Variants in ALG11 observed in about 807,000 individuals in gnomAD.
ALG11 encodes GDP-Man:Man(3)GlcNAc(2)-PP-Dol alpha-1,2-mannosyltransferase.
A neutral mutation model predicts 38.8 loss-of-function variants in ALG11; 26 were observed. The observed-to-expected ratio is 0.67, with a 90% CI of 0.49 to 0.93. The LOEUF is 0.93. ALG11 is among the 40% of genes least tolerant of loss of function. The pLI is 0.00. For synonymous variants in ALG11, 199 were observed against 211.6 expected (o/e 0.94, Z 0.52); for missense variants, 535 against 578.8 (o/e 0.92, Z 0.78).
chr13:52,024,025 G>A lies in ALG11; in HGVS notation c.295G>A (p.Val99Ile). Reference protein sequence around the residue: ...LQKKYPEAVYVVYTGDVNVNG... With the variant: ...LQKKYPEAVYIVYTGDVNVNG... ...TTTTAGGTATCCTGAAGCAGTTTATGTTGTTTATACCGGCGATGTTAATGT... is the reference window on the plus strand; with the variant it reads ...TTTTAGGTATCCTGAAGCAGTTTATATTGTTTATACCGGCGATGTTAATGT... Residue 99 changes from valine to isoleucine, a missense_variant, in exon 3 of 4, where the codon GTT becomes ATT. By Grantham distance (29) the Val-to-Ile change is conservative. Coordinates refer to ENST00000521508, the MANE Select transcript of ALG11 (RefSeq NM_001004127.3). The A allele has an allele frequency of 6.2e-7, 1 of 1,614,046 alleles. No individual in the cohort carries two copies. The highest frequency in any genetic ancestry group is 1.7e-5 in the Admixed American group (1 of 60,000).
At chr13:52,025,042 T>C in intron 3 of ALG11, 105 bp downstream of exon 3, 1 of 1,284,050 alleles carries the variant, frequency 7.8e-7, no homozygotes, top group Non-Finnish European at 1.1e-6. Flanking sequence ...GCCCTAATTC[T>C]CTTGCCCTCA....
At position 52,024,636 on chromosome 13, in the gene ALG11, G is replaced by T; in HGVS notation, c.906G>T (p.Leu302Phe). 6.2e-7 allele frequency: 1 copy of T among 1,613,810 alleles called. No individual in the cohort carries two copies. The highest frequency in any genetic ancestry group is 8.5e-7 in the Non-Finnish European group (1 of 1,179,742). The change falls in exon 3 of 4, where the codon TTG becomes TTT. Residue 302 changes from leucine (L) to phenylalanine (F), a missense_variant. Coordinates refer to ENST00000521508, the MANE Select transcript of ALG11 (RefSeq NM_001004127.3). The part of the protein sequence containing the change: ...LHEKKMTPGH[L>F]LVSVGQFRPE... ...AGAAAAAGATGACCCCAGGACATTT[G>T]CTGGTTTCTGTTGGCCAGTTTAGGC...
rs776787572 is a variant in ALG11, at chr13:52,029,245, C to T, written c.*655C>T. The T allele has an allele frequency of 6.2e-7, 1 of 1,614,170 alleles. No individual in the cohort carries two copies. On this transcript the variant is annotated 3_prime_UTR_variant, in exon 4 of 4. Transcript: ENST00000521508. ...TCCTCTCCAAATGGGACCCTATCAT[C>T]CTGAAGAACCAGCAGGCAGAGCAGC...
chr13:52,017,734 A>G (rs1954146300), intron 1 of ALG11: 1 of 153,550 alleles, frequency 6.5e-6, no homozygotes, highest in Admixed American at 6.5e-5. Context: ...GTACGTCTTT[A>G]TCAGCAGTGT....
chr13:52,020,153 C>T (rs1167161319), intron 2 of ALG11, among the ~76,000 whole-genome samples: 1 of 152,102 alleles, frequency 6.6e-6, no homozygotes, highest in Admixed American at 6.5e-5. Flanking sequence ...CTATTTGACT[C>T]AAATTTTTAT....
intron 1 of ALG11, among the ~76,000 whole-genome samples, chr13:52,015,586 C>G (rs1488680526): frequency 6.6e-6 from 1 of 152,078 alleles, no homozygotes; most frequent in Non-Finnish European, 1.5e-5. Flanking sequence ...GGGGGCCAAT[C>G]TTTCCCATGC....
rs145714167 is a variant in ALG11, at chr13:52,019,063, T to G, written c.195T>G (p.Ile65Met). ...TSKNGKNQMV[I>M]AFFHPYCNAG... is the part of the protein sequence containing the mutation. ...AAAATGGGAAAAATCAAATGGTGAT[T>G]GCATTTTTTCATCCATACTGCAATG... Residue 65 changes from isoleucine to methionine, a missense_variant, in exon 2 of 4, where the codon ATT becomes ATG. Ile to Met is a conservative substitution (Grantham distance 10). Coordinates refer to ENST00000521508, the MANE Select transcript of ALG11 (RefSeq NM_001004127.3). 7 of 1,613,976 alleles carry G rather than the reference T, an allele frequency of 4.3e-6. No homozygotes were observed. In the African/African-American group the frequency reaches 9.3e-5, roughly 22 times the overall value.
chr13:52,023,628 C>G (rs1954206099), intron 2 of ALG11: 1 of 151,236 alleles, frequency 6.6e-6, no homozygotes, highest in East Asian at 1.9e-4. Flanking sequence ...TTCTTTATAA[C>G]TGTAAGAAAA....
In ALG11 at chr13:52,029,863, ACTC is replaced by A. The variant is rs758604982; in HGVS notation, c.*1276_*1278del. On this transcript the variant is annotated 3_prime_UTR_variant, in exon 4 of 4. Transcript: ENST00000521508. The stretch of plus-strand genomic sequence containing the variant: ...AGGAGGGAGGCACAGAAGTGGAAGA[ACTC>A]CTTGTCCCTCATGTAGCGAATGAAG... The A allele has an allele frequency of 8.1e-6, 13 of 1,614,120 alleles. No individual in the cohort carries two copies. Among genetic ancestry groups the A allele is most frequent in the Admixed American group, 5.0e-5 (3 of 60,006 alleles).
At chr13:52,012,485 T>C (rs886618786) in intron 1 of ALG11, 23 bp downstream of exon 1, 5 of 1,614,058 alleles carry the variant, frequency 3.1e-6, no homozygotes, top group Non-Finnish European at 4.2e-6. Flanking sequence ...TCGTGTGGGC[T>C]CACAGACGTT....
At chr13:52,019,956 G>A (rs1034013225) in intron 2 of ALG11, among the ~76,000 whole-genome samples, 4 of 152,098 alleles carry the variant, frequency 2.6e-5, no homozygotes, top group Admixed American at 6.6e-5. Context: ...AGAAAGAAAT[G>A]GACAGTGGAT....
rs755614049 is a variant in ALG11, at chr13:52,012,476, C to G, written c.44+14C>G. The stretch of plus-strand genomic sequence containing the variant: ...CAAGTTGTTGAGGTGAGCAGCCGGT[C>G]GTGTGGGCTCACAGACGTTTTCTCT... On this transcript the variant is annotated intron_variant, in intron 1 of 3. Transcript: ENST00000521508. 1 of 1,614,096 alleles carries G rather than the reference C, an allele frequency of 6.2e-7. No individual in the cohort carries two copies. Among genetic ancestry groups the G allele is most frequent in the Admixed American group, 1.7e-5 (1 of 60,028 alleles).
intron 1 of ALG11, among the ~76,000 whole-genome samples, chr13:52,012,942 C>T (rs1954092880): frequency 1.3e-5 from 2 of 152,186 alleles, no homozygotes; most frequent in South Asian, 4.2e-4. Context: ...TATGTTGAAT[C>T]CTCTGCTTTT....
Position 52,030,037 on chromosome 13 carries a change from A to G in ALG11, c.*1447A>G, listed in dbSNP as rs1203001081. 1 of 1,614,248 alleles carries G rather than the reference A, an allele frequency of 6.2e-7. No homozygotes were observed. The highest frequency in any genetic ancestry group is 1.1e-5 in the South Asian group (1 of 91,088). ...CTGCAAGTGAGGCAGAAGAAAGACC[A>G]GTGGCAGAGGAAGAAATTTTGTTGA... On this transcript the variant is annotated 3_prime_UTR_variant, in exon 4 of 4. Coordinates refer to ENST00000521508, the MANE Select transcript of ALG11 (RefSeq NM_001004127.3).
At position 52,030,179 on chromosome 13, in the gene ALG11, A is replaced by ACC. The variant is rs773803265; in HGVS notation, c.*1589_*1590insCC. On this transcript the variant is annotated 3_prime_UTR_variant, in exon 4 of 4. Transcript: ENST00000521508. Reference sequence around the variant, plus strand: ...CAGCCAGGAGGTGCTGTCCGAATTGAGGGCACTATCTCAGAAATTGAAGGA... The same window carrying ACC: ...CAGCCAGGAGGTGCTGTCCGAATTGACCGGGCACTATCTCAGAAATTGAAGGA... 98 of 1,614,108 alleles carry ACC rather than the reference A, an allele frequency of 6.1e-5. 1 individual carries two copies. In the South Asian group the frequency reaches 1.0e-3, roughly 17 times the overall value.
Position 52,029,478 on chromosome 13 carries a change from A to G in ALG11, c.*888A>G. The G allele has an allele frequency of 6.2e-7, 1 of 1,614,244 alleles. No homozygotes were observed. The highest frequency in any genetic ancestry group is 8.5e-7 in the Non-Finnish European group (1 of 1,180,052). On this transcript the variant is annotated 3_prime_UTR_variant, in exon 4 of 4. Transcript: ENST00000521508. ...GAAGAGGCAAAGATGCACCGAGCAGAGCTTCAGAGGGCTCGGGCTCTGCAG... is the reference window on the plus strand; with the variant it reads ...GAAGAGGCAAAGATGCACCGAGCAGGGCTTCAGAGGGCTCGGGCTCTGCAG...
intron 2 of ALG11, chr13:52,023,297 C>G (rs970924086): frequency 2.0e-5 from 3 of 152,156 alleles, no homozygotes; most frequent in Admixed American, 1.3e-4. Flanking sequence ...GATGCCTGTT[C>G]TGTGTGAAAC....
rs1954216511 is a variant in ALG11, at chr13:52,024,363, G to A, written c.633G>A (p.Lys211=). ...GCACCGACATGCTCTCTGTAGTGAA[G>A]AATCAAAATATTGGATTTAATAATG... is the stretch of plus-strand genomic sequence containing the variant. ...TISTDMLSVV[K]NQNIGFNNAA... is the part of the protein sequence containing the mutation. Residue 211 remains lysine (K), a synonymous_variant, in exon 3 of 4, where the codon AAG becomes AAA. Coordinates refer to ENST00000521508, the MANE Select transcript of ALG11 (RefSeq NM_001004127.3). The A allele has an allele frequency of 3.7e-6, 6 of 1,614,100 alleles. No individual in the cohort carries two copies. Among genetic ancestry groups the A allele is most frequent in the Non-Finnish European group, 4.2e-6 (5 of 1,179,970 alleles).
In ALG11 at chr13:52,029,365, T is replaced by A; in HGVS notation, c.*775T>A. On this transcript the variant is annotated 3_prime_UTR_variant, in exon 4 of 4. Coordinates refer to ENST00000521508, the MANE Select transcript of ALG11 (RefSeq NM_001004127.3). The stretch of plus-strand genomic sequence containing the variant: ...CAAGAACTCCCCTGGAGCAGGAAAT[T>A]TTTAACCTCCTCCATAAGAACAAGC... 1.2e-6 allele frequency: 2 copies of A among 1,614,042 alleles called. No homozygotes were observed. The highest frequency in any genetic ancestry group is 1.7e-6 in the Non-Finnish European group (2 of 1,179,996).
Sources: allele counts gnomAD v4.1 joint callset (sites outside exome capture counted in the v4.1 genomes callset), GRCh38; gene constraint gnomAD v4.1.1; transcripts MANE v1.5; gene names NCBI Gene and HGNC (gene_info 2026-07-23, HGNC 2026-07-21).